The following SH3RF3 variants were observed in gnomAD, a reference collection of about 807,000 sequenced individuals.
The protein encoded by SH3RF3 is E3 ubiquitin-protein ligase SH3RF3.
A neutral mutation model predicts 66.3 loss-of-function variants in SH3RF3; 29 were observed. The observed-to-expected ratio is 0.44, with a 90% CI of 0.33 to 0.60. SH3RF3 has a LOEUF of 0.60. SH3RF3 is among the 20% of genes least tolerant of loss of function. The pLI, the probability that SH3RF3 is intolerant of heterozygous loss-of-function variation, is 0.04. For missense variants in SH3RF3, 1,194 were observed against 1,190.9 expected, an observed-to-expected ratio of 1.00 and a Z score of -0.04; for synonymous variants, 583 against 532.0, an observed-to-expected ratio of 1.10 and a Z score of -1.32.
intron 7 of SH3RF3, among the ~76,000 whole-genome samples, chr2:109,446,197 C>T (rs1399204937): frequency 6.6e-6 from 1 of 152,176 alleles, no homozygotes; most frequent in Non-Finnish European, 1.5e-5. Context: ...CTGAGCTGTG[C>T]CTTGCTTTCT....
intron 1 of SH3RF3, among the ~76,000 whole-genome samples, chr2:109,158,821 T>C (rs866746234): frequency 6.6e-5 from 10 of 152,242 alleles, no homozygotes; most frequent in Non-Finnish European, 1.3e-4. Context: ...AGCCCTGGTC[T>C]ACATGCTTTA....
intron 5 of SH3RF3, among the ~76,000 whole-genome samples, chr2:109,432,296 C>T (rs1257486557): frequency 3.3e-5 from 5 of 152,160 alleles, no homozygotes; most frequent in African/African-American, 4.8e-5. Context: ...GGCAGCTCCC[C>T]GAAGGCTCCC....
At chr2:109,303,199 A>G (rs1348923775) in intron 1 of SH3RF3, among the ~76,000 whole-genome samples, 2 of 152,176 alleles carry the variant, frequency 1.3e-5, no homozygotes, top group African/African-American at 2.4e-5. Context: ...TTTAAACTCC[A>G]CTGTAGCCAA....
intron 5 of SH3RF3, among the ~76,000 whole-genome samples, chr2:109,426,609 A>T (rs1677033527): frequency 6.6e-6 from 1 of 152,248 alleles, no homozygotes; most frequent in Non-Finnish European, 1.5e-5. Context: ...CCTGGTGAAG[A>T]TGGTGGGAAC....
Position 109,503,074 on chromosome 2 carries a change from A to G in SH3RF3, c.*1403A>G, listed in dbSNP as rs1679438422. On this transcript the variant is annotated 3_prime_UTR_variant, in exon 10 of 10. Transcript: ENST00000309415. ...CTCCCTGAGTGGGGCTGATGAATGTATATTCATTAGCACCATGGCTCACTT... is the reference window on the plus strand; with the variant it reads ...CTCCCTGAGTGGGGCTGATGAATGTGTATTCATTAGCACCATGGCTCACTT... 6.6e-6 allele frequency: 1 copy of G among 152,124 alleles called. No homozygotes were observed. The highest frequency in any genetic ancestry group is 2.1e-4 in the South Asian group (1 of 4,832). 9.4% of individuals were successfully genotyped at this position (152,124 alleles called of 1,614,324 possible).
chr2:109,183,616 A>G (rs923470035), intron 1 of SH3RF3, among the ~76,000 whole-genome samples: 1 of 152,184 alleles, frequency 6.6e-6, no homozygotes, highest in African/African-American at 2.4e-5. Context: ...AAAAATGAGA[A>G]ATTAACTTCT....
At chr2:109,410,121 G>A (rs1444630861) in intron 4 of SH3RF3, among the ~76,000 whole-genome samples, 1 of 152,200 alleles carries the variant, frequency 6.6e-6, no homozygotes, top group Non-Finnish European at 1.5e-5. Flanking sequence ...AAAATGCAGC[G>A]GAGGAGGCTC....
chr2:109,201,316 G>T (rs1678670193), intron 1 of SH3RF3, among the ~76,000 whole-genome samples: 1 of 152,188 alleles, frequency 6.6e-6, no homozygotes, highest in African/African-American at 2.4e-5. Flanking sequence ...TCTCCCACAG[G>T]CCTCCCTGAT....
chr2:109,446,543 G>A (rs1384307644), intron 7 of SH3RF3, among the ~76,000 whole-genome samples: 2 of 152,290 alleles, frequency 1.3e-5, no homozygotes, highest in Admixed American at 6.5e-5. Context: ...AGGCAGCACC[G>A]TGAAGGTGGT....
chr2:109,355,808 T>C (rs564658333), intron 2 of SH3RF3, among the ~76,000 whole-genome samples: 16 of 152,334 alleles, frequency 1.1e-4, no homozygotes, highest in Admixed American at 3.9e-4. Flanking sequence ...TTTGGTGTTT[T>C]GAGGAGGGGT....
chr2:109,290,316 C>A (rs1310265963), intron 1 of SH3RF3, among the ~76,000 whole-genome samples: 2 of 152,202 alleles, frequency 1.3e-5, no homozygotes, highest in Non-Finnish European at 2.9e-5. Flanking sequence ...TGCCCCCAGG[C>A]ACGTAATACA....
At chr2:109,171,836 A>T (rs1677791014) in intron 1 of SH3RF3, among the ~76,000 whole-genome samples, 1 of 152,260 alleles carries the variant, frequency 6.6e-6, no homozygotes, top group Non-Finnish European at 1.5e-5. Context: ...CCTGTCATCC[A>T]GGAATGAAGA....
At chr2:109,273,938 G>T (rs1283990601) in intron 1 of SH3RF3, among the ~76,000 whole-genome samples, 2 of 152,082 alleles carry the variant, frequency 1.3e-5, no homozygotes, top group African/African-American at 4.8e-5. Flanking sequence ...CTTGCTTTAG[G>T]GCTATGTGAC....
chr2:109,483,513 G>A (rs1359509536), intron 8 of SH3RF3, among the ~76,000 whole-genome samples: 2 of 152,188 alleles, frequency 1.3e-5, no homozygotes, highest in African/African-American at 4.8e-5. Flanking sequence ...ACTGCCTGTG[G>A]GTTGAGGTGG....
rs370585740 is a variant in SH3RF3 at position 109,162,440 on chromosome 2, T to A, written c.573+32327T>A. 4.6e-5 allele frequency among the ~76,000 whole-genome samples: 7 copies of A among 152,318 alleles called. No individual in the cohort carries two copies. The South Asian group carries it at 1.5e-3, about 32-fold the overall frequency. ...TTAATTTTTTTTATTATACTTTAAGTTTTAGGGTACATGTGCACAACGTGC... is the reference window on the plus strand; with the variant it reads ...TTAATTTTTTTTATTATACTTTAAGATTTAGGGTACATGTGCACAACGTGC... On this transcript the variant is annotated intron_variant, in intron 1 of 9. Transcript: ENST00000309415.
intron 4 of SH3RF3, among the ~76,000 whole-genome samples, chr2:109,408,438 A>G (rs922298097): frequency 6.6e-6 from 1 of 152,114 alleles, no homozygotes; most frequent in Admixed American, 6.5e-5. Context: ...CTCCCGCTCC[A>G]GGCTAAACCA....
At chr2:109,188,009 T>C (rs1678240374) in intron 1 of SH3RF3, among the ~76,000 whole-genome samples, 1 of 152,146 alleles carries the variant, frequency 6.6e-6, no homozygotes, top group Non-Finnish European at 1.5e-5. Context: ...TTGCCTCTGC[T>C]CCATCTCACC....
intron 1 of SH3RF3, among the ~76,000 whole-genome samples, chr2:109,267,920 C>T (rs1002782357): frequency 6.6e-6 from 1 of 152,044 alleles, no homozygotes; most frequent in Non-Finnish European, 1.5e-5. Context: ...CACTCCTGGG[C>T]CCCTGGACAG....
chr2:109,480,979 A>G (rs1312479980), intron 8 of SH3RF3, among the ~76,000 whole-genome samples: 1 of 152,208 alleles, frequency 6.6e-6, no homozygotes, highest in Non-Finnish European at 1.5e-5. Context: ...TACTTCAGCC[A>G]TGGAAGGGAG....
Sources: allele counts gnomAD v4.1 joint callset (sites outside exome capture counted in the v4.1 genomes callset), GRCh38; gene constraint gnomAD v4.1.1; transcripts MANE v1.5; gene names NCBI Gene and HGNC (gene_info 2026-07-23, HGNC 2026-07-21).